Variants in ZNF764 observed in about 807,000 individuals in gnomAD.
ZNF764 encodes zinc finger protein 764.
In ZNF764, 10 loss-of-function variants were observed where a neutral mutation model predicts 13.9. The observed-to-expected ratio is 0.72, with a 90% CI of 0.44 to 1.22. The LOEUF (loss-of-function observed/expected upper bound fraction) is 1.22. Among genes scored for constraint, ZNF764 ranks in the 50% most tolerant of loss-of-function variants. The probability of loss-of-function intolerance (pLI) is 0.00; values close to 1 mark genes in which losing one functional copy is unlikely to be tolerated. For synonymous variants in ZNF764, 313 were observed against 255.1 expected (o/e 1.23, Z -2.16); for missense variants, 647 against 589.7 (o/e 1.10, Z -1.01).
Position 30,555,370 on chromosome 16 carries a change from G to A in ZNF764, c.1048C>T (p.Arg350Cys), listed in dbSNP as rs777409567. The change falls in exon 3 of 3, where the codon CGC becomes TGC. Residue 350 changes from arginine (R) to cysteine (C), a missense_variant. Arg to Cys is a radical substitution (Grantham distance 180, BLOSUM62 -3). Transcript: ENST00000395091. ...GCCACGGCTGACTTCTGGCCAAAGCGGCGGCCGCACTGCGGGCAGGGGTAG... is the reference window on the plus strand; with the variant it reads ...GCCACGGCTGACTTCTGGCCAAAGCAGCGGCCGCACTGCGGGCAGGGGTAG... ...KPYPCPQCGRRFGQKSAVAKH... is the reference protein window; with the variant it reads ...KPYPCPQCGRCFGQKSAVAKH... 2 of 1,587,286 alleles carry A rather than the reference G, an allele frequency of 1.3e-6. No homozygotes were observed. Among genetic ancestry groups the A allele is most frequent in the South Asian group, 2.3e-5 (2 of 88,530 alleles).
chr16:30,557,680 G>A (rs1397581371), intron 2 of ZNF764, 53 bp downstream of exon 2: 2 of 1,602,594 alleles, frequency 1.2e-6, no homozygotes, highest in South Asian at 1.1e-5. Context: ...GAGGGTACCG[G>A]GATGGGACAG....
chr16:30,555,182 C>T lies in ZNF764; in HGVS notation c.*12G>A, dbSNP rs2051537377. The T allele has an allele frequency of 6.3e-7, 1 of 1,599,744 alleles. No individual in the cohort carries two copies. Among genetic ancestry groups the T allele is most frequent in the Non-Finnish European group, 8.5e-7 (1 of 1,173,394 alleles). ...GCCTCCCGTAATGTCTAGATAGTCA[C>T]TTTTAAGGCCGTCACCCACACTCCT... On this transcript the variant is annotated 3_prime_UTR_variant, in exon 3 of 3. Coordinates refer to ENST00000395091, the MANE Select transcript of ZNF764 (RefSeq NM_001172679.2).
At chr16:30,557,002 T>TGGTGGCGGGCGC (rs1386343848) in intron 2 of ZNF764, among the ~76,000 whole-genome samples, 1 of 151,914 alleles carries the variant, frequency 6.6e-6, no homozygotes, top group Non-Finnish European at 1.5e-5. Context: ...TAGCCGGGCG[T>TGGTGGCGGGCGC]GGTGGCGGGC....
At chr16:30,556,912 A>G (rs1341731887) in intron 2 of ZNF764, among the ~76,000 whole-genome samples, 2 of 152,150 alleles carry the variant, frequency 1.3e-5, no homozygotes, top group South Asian at 2.1e-4. Context: ...CGAGGCGGGC[A>G]GATCACAAAG....
chr16:30,557,007 G>T (rs1156893653), intron 2 of ZNF764, among the ~76,000 whole-genome samples: 1 of 152,178 alleles, frequency 6.6e-6, no homozygotes, highest in African/African-American at 2.4e-5. Flanking sequence ...GGGCGTGGTG[G>T]CGGGCGCCTG....
At chr16:30,556,293 C>T (rs955656839) in intron 2 of ZNF764, among the ~76,000 whole-genome samples, 186 bp from the exon 3 acceptor site, 10 of 151,666 alleles carry the variant, frequency 6.6e-5, no homozygotes, top group Admixed American at 2.6e-4. Context: ...CATTCCGCCT[C>T]GGGGCTGGGG....
At chr16:30,557,496 A>G (rs2051566639) in intron 2 of ZNF764, among the ~76,000 whole-genome samples, 1 of 152,126 alleles carries the variant, frequency 6.6e-6, no homozygotes, top group African/African-American at 2.4e-5. Flanking sequence ...AAGCCCCCAG[A>G]GTGTAGTGAC....
intron 2 of ZNF764, among the ~76,000 whole-genome samples, chr16:30,557,125 G>A (rs1364580054): frequency 2.0e-5 from 3 of 147,940 alleles, no homozygotes; most frequent in Admixed American, 6.8e-5. Context: ...GCGCGACAGA[G>A]GAAGACTCTG....
chr16:30,556,895 G>C (rs1399946927), intron 2 of ZNF764, among the ~76,000 whole-genome samples: 1 of 152,128 alleles, frequency 6.6e-6, no homozygotes, highest in Non-Finnish European at 1.5e-5. Context: ...CCAGCACTTT[G>C]GGAGGCCGAG....
In ZNF764 at chr16:30,555,141, C is replaced by T; in HGVS notation, c.*53G>A. The T allele has an allele frequency of 6.5e-7, 1 of 1,544,340 alleles. No homozygotes were observed. The highest frequency in any genetic ancestry group is 1.4e-5 in the African/African-American group (1 of 72,148). On this transcript the variant is annotated 3_prime_UTR_variant, in exon 3 of 3. Transcript: ENST00000395091. ...GCAGGCCGCCGCAGAGGTTCGGGCC[C>T]CTGAGCCCATCTCGGGCCTCCCGTA...
Position 30,558,048 on chromosome 16 carries a change from T to A in ZNF764, c.135A>T (p.Pro45=). 1 of 1,611,858 alleles carries A rather than the reference T, an allele frequency of 6.2e-7. No homozygotes were observed. The highest frequency in any genetic ancestry group is 8.5e-7 in the Non-Finnish European group (1 of 1,179,370). Residue 45 remains proline, a synonymous_variant, in exon 1 of 3, where the codon CCA becomes CCT. Coordinates refer to ENST00000395091, the MANE Select transcript of ZNF764 (RefSeq NM_001172679.2). ...FCREEWGCLR[P]AQRALYRDVM... is the part of the protein sequence containing the mutation. ...CGTCCCGGTACAGGGCCCTCTGCGC[T>A]GGCCGCAAGCAGCCCCACTCCTCCC...
rs538592097 is a variant in ZNF764, at chr16:30,556,048, C to T, written c.370G>A (p.Asp124Asn). 14 of 1,612,578 alleles carry T rather than the reference C, an allele frequency of 8.7e-6. No homozygotes were observed. The highest frequency in any genetic ancestry group is 1.8e-4 in the Middle Eastern group (1 of 5,414). Residue 124 changes from aspartate to asparagine, a missense_variant, in exon 3 of 3, where the codon GAC becomes AAC. Coordinates refer to ENST00000395091, the MANE Select transcript of ZNF764 (RefSeq NM_001172679.2). ...CCAGGAGACCCGGCGGCCACAGGGT[C>T]GGGCTTCTCCAGGGCTCCCGTCCCT... ...REGTGALEKPDPVAAGSPGLK... is the reference protein window; with the variant it reads ...REGTGALEKPNPVAAGSPGLK...
Position 30,557,823 on chromosome 16 carries a change from G to C in ZNF764, c.220C>G (p.Leu74Val). ...ALGIGGNKPA[L>V]ISWVEEEAEL... is the part of the protein sequence containing the mutation. Reference sequence around the variant, plus strand: ...GCCTCCTCCTCCACCCAGGAGATGAGAGCTGGCTTGTTGCCTCCGATTCCT... The same window carrying C: ...GCCTCCTCCTCCACCCAGGAGATGACAGCTGGCTTGTTGCCTCCGATTCCT... Residue 74 changes from leucine (L) to valine (V), a missense_variant, in exon 2 of 3, where the codon CTC (leucine) becomes GTC (valine). Coordinates refer to ENST00000395091, the MANE Select transcript of ZNF764 (RefSeq NM_001172679.2). The C allele has an allele frequency of 1.9e-6, 3 of 1,610,248 alleles. No individual in the cohort carries two copies. The highest frequency in any genetic ancestry group is 2.2e-5 in the East Asian group (1 of 44,682).
chr16:30,555,521 C>T lies in ZNF764; in HGVS notation c.897G>A (p.Ser299=). The change falls in exon 3 of 3, where the codon TCG becomes TCA. Residue 299 remains serine, a synonymous_variant. Transcript: ENST00000395091. The part of the protein sequence containing the change: ...PDCGRAFAYP[S]DLRRHVRTHT... ...GGGTGCGCACGTGGCGCCGCAGGTC[C>T]GAGGGGTAGGCGAAGGCGCGGCCAC... 6.5e-7 allele frequency: 1 copy of T among 1,536,528 alleles called. No homozygotes were observed. The highest frequency in any genetic ancestry group is 8.7e-7 in the Non-Finnish European group (1 of 1,147,166).
Position 30,558,075 on chromosome 16 carries a change from G to C in ZNF764, c.108C>G (p.Cys36Trp). 2.5e-6 allele frequency: 4 copies of C among 1,612,016 alleles called. No homozygotes were observed. Among genetic ancestry groups the C allele is most frequent in the Non-Finnish European group, 3.4e-6 (4 of 1,179,460 alleles). ...VSFADVAVYF[C>W]REEWGCLRPA... ...GCCGCAAGCAGCCCCACTCCTCCCG[G>C]CAGAAGTACACGGCCACGTCCGCGA... is the stretch of plus-strand genomic sequence containing the variant. The change falls in exon 1 of 3, where the codon TGC becomes TGG. Residue 36 changes from cysteine (C) to tryptophan (W), a missense_variant. Transcript: ENST00000395091.
Position 30,556,368 on chromosome 16 carries a change from C to T in ZNF764, c.311-261G>A, listed in dbSNP as rs572945250. On this transcript the variant is annotated intron_variant, in intron 2 of 2. Coordinates refer to ENST00000395091, the MANE Select transcript of ZNF764 (RefSeq NM_001172679.2). ...TCTGGGCCTGATCCAGAAGGAGGAA[C>T]GGACACCTGAGGATGTTCCAGGCAG... Among the ~76,000 whole-genome samples, 16 of 152,030 alleles carry T rather than the reference C, an allele frequency of 1.1e-4. No individual in the cohort carries two copies. In the South Asian group the frequency reaches 3.1e-3, roughly 30 times the overall value.
At chr16:30,557,909 C>G (rs1316469182) in intron 1 of ZNF764, 63 bp from the exon 2 acceptor site, 1 of 1,571,238 alleles carries the variant, frequency 6.4e-7, no homozygotes, top group Non-Finnish European at 8.6e-7. Context: ...CCGGGGCCCC[C>G]AACTTCACGC....
chr16:30,554,486 AAGACAATG>A lies in ZNF764; in HGVS notation c.*700_*707del. ...ACCCCATCACACACACACACACACA[AAGACAATG>A]GAAGCCAGGCATGGTGGTAGCTCAC... On this transcript the variant is annotated 3_prime_UTR_variant, in exon 3 of 3. Coordinates refer to ENST00000395091, the MANE Select transcript of ZNF764 (RefSeq NM_001172679.2). 6.6e-6 allele frequency: 1 copy of A among 152,114 alleles called. No individual in the cohort carries two copies. The highest frequency in any genetic ancestry group is 1.5e-5 in the Non-Finnish European group (1 of 68,106). 9.4% of individuals were successfully genotyped at this position (152,114 alleles called of 1,614,324 possible).
chr16:30,555,552 G>A lies in ZNF764; in HGVS notation c.866C>T (p.Pro289Leu), dbSNP rs1445820984. ...VHSGETPFPC[P>L]DCGRAFAYPS... is the part of the protein sequence containing the mutation. ...GTAGGCGAAGGCGCGGCCACAGTCC[G>A]GGCAGGGGAAGGGGGTCTCGCCGCT... The change falls in exon 3 of 3, where the codon CCG becomes CTG. Residue 289 changes from proline (P) to leucine (L), a missense_variant. Physicochemically the swap from Pro to Leu is moderately conservative, Grantham distance 98. Coordinates refer to ENST00000395091, the MANE Select transcript of ZNF764 (RefSeq NM_001172679.2). The A allele has an allele frequency of 1.3e-6, 2 of 1,533,630 alleles. No individual in the cohort carries two copies. The highest frequency in any genetic ancestry group is 1.7e-6 in the Non-Finnish European group (2 of 1,145,878).
Sources: gnomAD v4.1 joint callset for allele counts (sites outside exome capture counted in the v4.1 genomes callset) on GRCh38, gnomAD v4.1.1 for gene constraint, MANE v1.5 for transcripts, NCBI Gene and HGNC (gene_info 2026-07-23, HGNC 2026-07-21) for gene names.